Variants in DROSHA observed in about 807,000 individuals in gnomAD.
DROSHA encodes ribonuclease 3.
In DROSHA, 56 loss-of-function variants were observed where a neutral mutation model predicts 181.9. The observed-to-expected ratio is 0.31, with a 90% CI of 0.25 to 0.38. DROSHA has a LOEUF of 0.38. Ranked by LOEUF, DROSHA falls within the 10% of genes least tolerant of loss-of-function variation. The pLI is 1.00. For synonymous variants in DROSHA, 524 were observed against 591.2 expected, an observed-to-expected ratio of 0.89 and a Z score of 1.65; for missense variants, 1,218 against 1,743.5, an observed-to-expected ratio of 0.70 and a Z score of 5.37.
At chr5:31,431,436 G>A (rs1231091700) in intron 26 of DROSHA, 140 bp downstream of exon 26, 9 of 552,776 alleles carry the variant, frequency 1.6e-5, no homozygotes, top group Non-Finnish European at 2.8e-5. Context: ...TATAATATAA[G>A]GTGGTAGGTG....
intron 25 of DROSHA, among the ~76,000 whole-genome samples, chr5:31,434,709 T>C (rs1337874116): frequency 3.3e-5 from 5 of 152,166 alleles, no homozygotes; most frequent in Non-Finnish European, 7.3e-5. Context: ...TCTATCAAAA[T>C]CAAACTTTCA....
intron 20 of DROSHA, among the ~76,000 whole-genome samples, chr5:31,463,613 G>A (rs550176141): frequency 1.3e-4 from 20 of 152,222 alleles, no homozygotes; most frequent in African/African-American, 4.1e-4. Context: ...TGAAAAAACA[G>A]AATATGTTGG....
intron 10 of DROSHA, chr5:31,505,816 C>T (rs1265711062): frequency 6.6e-6 from 1 of 152,022 alleles, no homozygotes; most frequent in East Asian, 1.9e-4. Flanking sequence ...TACATATATA[C>T]ACACACATAT....
chr5:31,409,087 CT>C lies in DROSHA; in HGVS notation c.3822del (p.Glu1275LysfsTer35). The C allele has an allele frequency of 6.2e-7, 1 of 1,613,892 alleles. No individual in the cohort carries two copies. Among genetic ancestry groups the C allele is most frequent in the African/African-American group, 1.3e-5 (1 of 75,054 alleles). ...AGAGGAATGTCTGGCTCTTTTCCTTCTGTCCTAAGTGTCAAGCAACACTGCT... is the reference window on the plus strand; with the variant it reads ...AGAGGAATGTCTGGCTCTTTTCCTTCGTCCTAAGTGTCAAGCAACACTGCT... ...QLQQCCLTLR[T>X]EGKEPDIPLY... On this transcript the variant is annotated frameshift_variant, in exon 33 of 36. Transcript: ENST00000344624. LOFTEE classifies it high-confidence loss of function. This position sits in a 1 kb window ranked among gnomAD's most constrained non-coding sequence, Gnocchi z 4.0.
rs575600892 is a variant in DROSHA at position 31,515,425 on chromosome 5, T to A, written c.1058+29A>T. ...AAGTTTACTTGTTTAAAAATACAAATTCCCAGGCCCCACCCCAGATCTACT... is the reference window on the plus strand; with the variant it reads ...AAGTTTACTTGTTTAAAAATACAAAATCCCAGGCCCCACCCCAGATCTACT... On this transcript the variant is annotated intron_variant, in intron 7 of 35. Coordinates refer to ENST00000344624, the MANE Select transcript of DROSHA (RefSeq NM_001382508.1). 9.9e-5 allele frequency: 114 copies of A among 1,149,310 alleles called. No homozygotes were observed. In the African/African-American group the frequency reaches 1.6e-3, roughly 16 times the overall value. The allele number at this position is 1,149,310 out of a possible 1,614,324, so 71.2% of individuals were successfully genotyped here. A position where few individuals can be genotyped will look rare whatever the true frequency, so the allele number is the denominator to read the frequency against.
chr5:31,433,383 T>C (rs1744408016), intron 25 of DROSHA, among the ~76,000 whole-genome samples: 1 of 152,154 alleles, frequency 6.6e-6, no homozygotes, highest in African/African-American at 2.4e-5. Flanking sequence ...ACTGGGAAAA[T>C]TTAATTGTTT....
intron 10 of DROSHA, among the ~76,000 whole-genome samples, chr5:31,506,098 C>A (rs369406762): frequency 6.6e-6 from 1 of 152,206 alleles, no homozygotes; most frequent in Non-Finnish European, 1.5e-5. Flanking sequence ...CAGTGGCACA[C>A]GCCTGTAATC....
chr5:31,430,276 G>A (rs1744012719), intron 26 of DROSHA, among the ~76,000 whole-genome samples: 1 of 152,220 alleles, frequency 6.6e-6, no homozygotes, highest in Non-Finnish European at 1.5e-5. Flanking sequence ...AACAGTGGTA[G>A]CAGCTGTTGT....
At chr5:31,441,401 A>T (rs1316264284) in intron 23 of DROSHA, among the ~76,000 whole-genome samples, 1 of 152,126 alleles carries the variant, frequency 6.6e-6, no homozygotes, top group Non-Finnish European at 1.5e-5. Flanking sequence ...ACAGTGGGAG[A>T]CCATGTCTCA....
rs377246504 is a variant in DROSHA at position 31,526,097 on chromosome 5, C to T, written c.836G>A (p.Arg279His). 125 of 1,594,760 alleles carry T rather than the reference C, an allele frequency of 7.8e-5. No individual in the cohort carries two copies. The highest frequency in any genetic ancestry group is 9.6e-5 in the Non-Finnish European group (112 of 1,165,348). The change falls in exon 5 of 36, where the codon CGC (arginine) becomes CAC (histidine). Residue 279 changes from arginine (R) to histidine (H), a missense_variant. This residue lies in a region of DROSHA where 536 missense variants were observed against 535.4 expected (regional missense o/e 1.00). Transcript: ENST00000344624. ...YDRGRTPSRH[R>H]SYERSRERER... The stretch of plus-strand genomic sequence containing the variant: ...GGTTTACCTGCTCCGTTCGTAGCTG[C>T]GGTGGCGAGATGGTGTTCTCCCTCG...
At chr5:31,510,643 C>G (rs183488504) in intron 9 of DROSHA, among the ~76,000 whole-genome samples, 5 of 152,328 alleles carry the variant, frequency 3.3e-5, no homozygotes, top group African/African-American at 1.2e-4. Flanking sequence ...TCAAACAGAG[C>G]TGGGGTACAG....
chr5:31,462,158 C>T (rs971270990), intron 20 of DROSHA, among the ~76,000 whole-genome samples: 1 of 152,152 alleles, frequency 6.6e-6, no homozygotes, highest in African/African-American at 2.4e-5. Flanking sequence ...CATTTATATG[C>T]AGACATTTCT....
At chr5:31,428,569 GA>G (rs1743765271) in intron 27 of DROSHA, among the ~76,000 whole-genome samples, 1 of 152,082 alleles carries the variant, frequency 6.6e-6, no homozygotes, top group Admixed American at 6.6e-5. Flanking sequence ...CATATCTCTA[GA>G]AAAACAAATA....
chr5:31,446,073 T>A (rs1040712956), intron 23 of DROSHA, among the ~76,000 whole-genome samples: 6 of 152,142 alleles, frequency 3.9e-5, no homozygotes, highest in African/African-American at 1.4e-4. Flanking sequence ...AGCAACAAGG[T>A]TGGAGGTCAT....
At chr5:31,457,949 A>C (rs1472303971) in intron 20 of DROSHA, among the ~76,000 whole-genome samples, 1 of 152,196 alleles carries the variant, frequency 6.6e-6, no homozygotes, top group Non-Finnish European at 1.5e-5. Flanking sequence ...AATGAAACAA[A>C]TGAATTCTGT....
chr5:31,524,741 A>G (rs1484378117), intron 5 of DROSHA, among the ~76,000 whole-genome samples: 1 of 152,226 alleles, frequency 6.6e-6, no homozygotes, highest in Non-Finnish European at 1.5e-5. Context: ...AAGCCCAGCT[A>G]GAATCCCAGT....
Position 31,411,037 on chromosome 5 carries a change from A to C in DROSHA, c.3526-150T>G. 2.7e-6 allele frequency: 3 copies of C among 1,101,404 alleles called. No homozygotes were observed. Among genetic ancestry groups the C allele is most frequent in the Non-Finnish European group, 2.6e-6 (2 of 773,112 alleles). 68.2% of individuals were successfully genotyped at this position (1,101,404 alleles called of 1,614,324 possible). A position where few individuals can be genotyped will look rare whatever the true frequency, so the allele number is the denominator to read the frequency against. On this transcript the variant is annotated intron_variant, in intron 30 of 35. Transcript: ENST00000344624. The surrounding 1 kb of genome is among the most constrained non-coding windows in gnomAD (Gnocchi z 4.2). ...TGGCCTCAACCATCACCCAGATGAC[A>C]GTGATATGCTCCATGCCCATTTACC...
intron 14 of DROSHA, among the ~76,000 whole-genome samples, chr5:31,485,924 G>C (rs1200380594): frequency 6.6e-6 from 1 of 152,152 alleles, no homozygotes; most frequent in African/African-American, 2.4e-5. Context: ...TTATTTCTTA[G>C]TATGATTTGT....
chr5:31,459,229 C>A (rs1321763058), intron 20 of DROSHA, among the ~76,000 whole-genome samples: 2 of 151,804 alleles, frequency 1.3e-5, no homozygotes, highest in African/African-American at 4.8e-5. Context: ...TTAAATTATT[C>A]CTAATAAAAT....
Sources: allele counts gnomAD v4.1 joint callset (sites outside exome capture counted in the v4.1 genomes callset), GRCh38; gene constraint gnomAD v4.1.1; regional missense constraint gnomAD v4.1.1; non-coding constraint Gnocchi (gnomAD v3.1); transcripts MANE v1.5; gene names NCBI Gene and HGNC (gene_info 2026-07-23, HGNC 2026-07-21).